Variants in RASGRF1 observed in about 807,000 individuals in gnomAD.
RASGRF1 encodes ras-specific guanine nucleotide-releasing factor 1.
Under a neutral mutation model 138.7 loss-of-function variants are expected in RASGRF1, and 40 were observed. The ratio of observed to expected loss-of-function variants is 0.29; its 90% CI spans 0.22 to 0.38. The LOEUF (loss-of-function observed/expected upper bound fraction) is 0.38, where lower values mean the gene tolerates loss of function less well. Ranked by LOEUF, RASGRF1 falls within the 10% of genes least tolerant of loss-of-function variation. The pLI, the probability that RASGRF1 is intolerant of heterozygous loss-of-function variation, is 1.00. For synonymous variants in RASGRF1, 614 were observed against 663.2 expected (o/e 0.93, Z 1.14); for missense variants, 1,108 against 1,650.4 (o/e 0.67, Z 5.69).
At chr15:78,974,249 C>T (rs1320965063) in intron 24 of RASGRF1, among the ~76,000 whole-genome samples, 1 of 152,192 alleles carries the variant, frequency 6.6e-6, no homozygotes, top group Non-Finnish European at 1.5e-5. Flanking sequence ...CCTTTAGCTC[C>T]TTCTGGGGCC....
At chr15:79,063,622 G>A (rs2057637740) in intron 2 of RASGRF1, among the ~76,000 whole-genome samples, 1 of 152,206 alleles carries the variant, frequency 6.6e-6, no homozygotes, top group Non-Finnish European at 1.5e-5. Context: ...CCTTGGTAAT[G>A]CAAAGAATCA....
chr15:79,015,239 G>A lies in RASGRF1; in HGVS notation c.1826+88C>T, dbSNP rs2056861889. On this transcript the variant is annotated intron_variant, in intron 13 of 26. Coordinates refer to ENST00000558480, the MANE Select transcript of RASGRF1 (RefSeq NM_001145648.3). ...AGCCCAGCATCTCTGAACCCCAGTA[G>A]CTGGCTCATCCCAGTGTCCTGGCTG... 8 of 1,313,070 alleles carry A rather than the reference G, an allele frequency of 6.1e-6. No homozygotes were observed. The Admixed American group carries it at 6.9e-5, about 11-fold the overall frequency. The allele number at this position is 1,313,070 out of a possible 1,614,324, so 81.3% of individuals were successfully genotyped here.
chr15:79,017,230 G>T (rs1445488655), intron 12 of RASGRF1, among the ~76,000 whole-genome samples: 1 of 152,206 alleles, frequency 6.6e-6, no homozygotes, highest in East Asian at 1.9e-4. Context: ...CTTACAGCAG[G>T]CCAAAGCAAA....
rs981452635 is a variant in RASGRF1, at chr15:79,046,234, T to A, written c.878+512A>T. ...CAACCTGGCCTCCAGGTCATTATGA[T>A]GGTATCAAGGTCAAAGAATAAGGTA... On this transcript the variant is annotated intron_variant, in intron 5 of 26. Transcript: ENST00000558480. This position sits in a 1 kb window ranked among gnomAD's most constrained non-coding sequence, Gnocchi z 5.3. 1.3e-5 allele frequency among the ~76,000 whole-genome samples: 2 copies of A among 152,208 alleles called. No individual in the cohort carries two copies. The highest frequency in any genetic ancestry group is 2.9e-5 in the Non-Finnish European group (2 of 68,036).
At chr15:79,043,595 G>T (rs577905229) in intron 5 of RASGRF1, among the ~76,000 whole-genome samples, 4 of 152,208 alleles carry the variant, frequency 2.6e-5, no homozygotes, top group African/African-American at 9.6e-5. Flanking sequence ...TTTTTTCCTG[G>T]GATCAATAAG....
At chr15:78,983,139 A>G (rs1176971337) in intron 23 of RASGRF1, among the ~76,000 whole-genome samples, 2 of 152,212 alleles carry the variant, frequency 1.3e-5, no homozygotes, top group African/African-American at 4.8e-5. Flanking sequence ...TAGAGAGAGA[A>G]TGAACTGCCT....
At chr15:79,070,454 C>A (rs1331866543) in intron 1 of RASGRF1, among the ~76,000 whole-genome samples, 1 of 152,138 alleles carries the variant, frequency 6.6e-6, no homozygotes, top group Non-Finnish European at 1.5e-5. Flanking sequence ...AAAGAAGTGG[C>A]CTTAATAATT....
intron 1 of RASGRF1, among the ~76,000 whole-genome samples, chr15:79,070,999 T>A (rs1282422946): frequency 6.6e-6 from 1 of 152,186 alleles, no homozygotes; most frequent in East Asian, 1.9e-4. Flanking sequence ...CAAGGGACAC[T>A]CAGACCTCTT....
At chr15:79,068,496 C>T (rs57534916) in intron 1 of RASGRF1, among the ~76,000 whole-genome samples, 4 of 140,446 alleles carry the variant, frequency 2.8e-5, no homozygotes, top group East Asian at 2.0e-4. Context: ...TATATATACA[C>T]ACACACACGT....
At chr15:79,075,001 C>G (rs1223188274) in intron 1 of RASGRF1, among the ~76,000 whole-genome samples, 1 of 152,156 alleles carries the variant, frequency 6.6e-6, no homozygotes. Flanking sequence ...ACAATGATTC[C>G]AAGGCCTTCC....
intron 10 of RASGRF1, among the ~76,000 whole-genome samples, chr15:79,024,206 G>A (rs922354500): frequency 3.4e-5 from 5 of 148,974 alleles, no homozygotes; most frequent in African/African-American, 7.5e-5. Context: ...AAACATACAC[G>A]GATATACACA....
chr15:79,029,089 GTTA>G (rs1323635142), intron 8 of RASGRF1, among the ~76,000 whole-genome samples: 2 of 152,260 alleles, frequency 1.3e-5, no homozygotes, highest in Middle Eastern at 3.2e-3. Context: ...TTGCAAAAGA[GTTA>G]TTATTATCTT....
chr15:78,970,634 AAAAAAAAAAAAG>A (rs2055737508), intron 26 of RASGRF1, among the ~76,000 whole-genome samples: 1 of 150,506 alleles, frequency 6.6e-6, no homozygotes, highest in Non-Finnish European at 1.5e-5. Context: ...AAAAAAAAAA[AAAAAAAAAAAAG>A]AAAAAGAAAA....
chr15:79,019,227 C>T (rs951046639), intron 11 of RASGRF1, among the ~76,000 whole-genome samples: 2 of 152,168 alleles, frequency 1.3e-5, no homozygotes, highest in African/African-American at 4.8e-5. Flanking sequence ...CTGCTGGTGT[C>T]CCCACAGGGC....
At chr15:79,041,450 A>C (rs2141016855) in intron 5 of RASGRF1, among the ~76,000 whole-genome samples, 1 of 152,316 alleles carries the variant, frequency 6.6e-6, no homozygotes, top group Admixed American at 6.5e-5. Flanking sequence ...TCTTTATTTA[A>C]GTGTGATGCA....
chr15:79,002,458 C>T (rs764203082), intron 15 of RASGRF1, among the ~76,000 whole-genome samples: 1 of 152,130 alleles, frequency 6.6e-6, no homozygotes, highest in African/African-American at 2.4e-5. Flanking sequence ...TGCATCTGAC[C>T]TTGAGAACAC....
chr15:79,020,232 G>A, intron 10 of RASGRF1, 128 bp from the exon 11 acceptor site: 1 of 821,152 alleles, frequency 1.2e-6, no homozygotes, highest in East Asian at 2.5e-5. Context: ...TGTATGGATG[G>A]ATATATTATA....
chr15:79,012,216 G>C (rs929720875), intron 13 of RASGRF1, among the ~76,000 whole-genome samples: 5 of 151,982 alleles, frequency 3.3e-5, no homozygotes, highest in South Asian at 2.1e-4. Flanking sequence ...TTTTGCCTCC[G>C]AACCTATGTT....
chr15:79,013,854 C>T (rs2056837198), intron 13 of RASGRF1, among the ~76,000 whole-genome samples: 1 of 152,158 alleles, frequency 6.6e-6, no homozygotes, highest in South Asian at 2.1e-4. Context: ...ATTGTTCAAA[C>T]AAACACAGTG....
Sources: gnomAD v4.1 joint callset for allele counts (sites outside exome capture counted in the v4.1 genomes callset) on GRCh38, gnomAD v4.1.1 for gene constraint, Gnocchi (gnomAD v3.1) non-coding constraint, MANE v1.5 for transcripts, NCBI Gene and HGNC (gene_info 2026-07-23, HGNC 2026-07-21) for gene names.